C3: variants seen among roughly 807,000 people sequenced by gnomAD.
C3 encodes the protein complement C3.
Under a neutral mutation model 207.9 loss-of-function variants are expected in C3, and 97 were observed. The observed-to-expected ratio is 0.47, with a 90% CI of 0.40 to 0.55. The LOEUF is 0.55. C3 is among the 20% of genes least tolerant of loss of function. C3 has a pLI of 0.00. For synonymous variants in C3, 848 were observed against 857.6 expected (o/e 0.99, Z 0.20); for missense variants, 1,684 against 2,171.7 (o/e 0.78, Z 4.46).
Position 6,712,424 on chromosome 19 carries a change from G to T in C3, c.1120-18C>A, listed in dbSNP as rs1442138498. ...ACGAACACCTGTGATGTGGGGTGCA[G>T]GTGGGGGAAGTTCAGGCAGGCTCAG... On this transcript the variant is annotated intron_variant, in intron 10 of 40. Coordinates refer to ENST00000245907, the MANE Select transcript of C3 (RefSeq NM_000064.4). The T allele has an allele frequency of 1.9e-6, 3 of 1,614,170 alleles. No individual in the cohort carries two copies. Among genetic ancestry groups the T allele is most frequent in the Non-Finnish European group, 2.5e-6 (3 of 1,180,002 alleles).
At position 6,719,468 on chromosome 19, in the gene C3, G is replaced by A. The variant is rs879589386; in HGVS notation, c.75-65C>T. 6.8e-7 allele frequency: 1 copy of A among 1,463,716 alleles called. No individual in the cohort carries two copies. The highest frequency in any genetic ancestry group is 9.5e-7 in the Non-Finnish European group (1 of 1,050,198). The allele number at this position is 1,463,716 out of a possible 1,614,324, so 90.7% of individuals were successfully genotyped here. ...GGATGTGAGACGCCAGTCCTCACTG[G>A]AGTCAGCGCCTGGCAGGCTGTGTGC... is the stretch of plus-strand genomic sequence containing the variant. On this transcript the variant is annotated intron_variant, in intron 1 of 40. Transcript: ENST00000245907. The surrounding 1 kb of genome is among the most constrained non-coding windows in gnomAD (Gnocchi z 5.4).
chr19:6,682,037 A>G lies in C3; in HGVS notation c.4261-7T>C. 2 of 1,613,524 alleles carry G rather than the reference A, an allele frequency of 1.2e-6. No homozygotes were observed. The highest frequency in any genetic ancestry group is 1.7e-6 in the Non-Finnish European group (2 of 1,179,446). On this transcript the variant is annotated splice_region_variant and splice_polypyrimidine_tract_variant and intron_variant, in intron 34 of 40. Transcript: ENST00000245907. The stretch of plus-strand genomic sequence containing the variant: ...TGTCAACACCATTGGCCAGCTGGGG[A>G]AAGGTGGAGCCTGTGAAAAATCCCT...
intron 28 of C3, 85 bp from the exon 29 acceptor site, chr19:6,686,372 G>C (rs1918010221): frequency 1.4e-6 from 2 of 1,447,144 alleles, no homozygotes; most frequent in East Asian, 4.5e-5. Context: ...AGAGATGCAT[G>C]CTAGACTTCC....
chr19:6,697,475 G>A lies in C3; in HGVS notation c.2665C>T (p.Pro889Ser). ...KRRHQQTVTIPPKSSLSVPYV... is the reference protein window; with the variant it reads ...KRRHQQTVTISPKSSLSVPYV... Reference sequence around the variant, plus strand: ...GGAACGGACAACGAGGACTTGGGGGGGATGGTTACGGTCTGCTGGTGACGC... The same window carrying A: ...GGAACGGACAACGAGGACTTGGGGGAGATGGTTACGGTCTGCTGGTGACGC... The change falls in exon 21 of 41, where the codon CCC (proline) becomes TCC (serine). Residue 889 changes from proline (P) to serine (S), a missense_variant. Pro to Ser is a moderately conservative substitution (Grantham distance 74). Coordinates refer to ENST00000245907, the MANE Select transcript of C3 (RefSeq NM_000064.4). 1 of 1,613,998 alleles carries A rather than the reference G, an allele frequency of 6.2e-7. No homozygotes were observed. The highest frequency in any genetic ancestry group is 1.7e-4 in the Middle Eastern group (1 of 6,060).
In C3 at chr19:6,712,573, G is replaced by C; in HGVS notation, c.1054C>G (p.Pro352Ala). Residue 352 changes from proline (P) to alanine (A), a missense_variant, in exon 10 of 41, where the codon CCC becomes GCC. Physicochemically the swap from Pro to Ala is conservative, Grantham distance 27. Coordinates refer to ENST00000245907, the MANE Select transcript of C3 (RefSeq NM_000064.4). ...ERSGIPIVTS[P>A]YQIHFTKTPK... ...GTCTTGGTGAAGTGGATCTGGTAGG[G>C]AGAGGTCACGATGGGGATCCCGCTG... The C allele has an allele frequency of 2.5e-6, 4 of 1,614,138 alleles. No homozygotes were observed. Among genetic ancestry groups the C allele is most frequent in the Non-Finnish European group, 3.4e-6 (4 of 1,179,996 alleles).
intron 23 of C3, among the ~76,000 whole-genome samples, chr19:6,696,126 C>G (rs543485370): frequency 1.4e-5 from 2 of 147,926 alleles, no homozygotes; most frequent in Non-Finnish European, 3.0e-5. Context: ...AGGAGAATGG[C>G]GTGAACCCGG....
At chr19:6,690,505 C>T in intron 27 of C3, 124 bp downstream of exon 27, 1 of 769,726 alleles carries the variant, frequency 1.3e-6, no homozygotes, top group Non-Finnish European at 2.4e-6. Flanking sequence ...AACATGACTG[C>T]AGTGATGTCT....
rs1968125066 is a variant in C3 at position 6,719,744 on chromosome 19, G to A, written c.75-341C>T. Among the ~76,000 whole-genome samples the A allele has an allele frequency of 6.6e-6, 1 of 151,848 alleles. No homozygotes were observed. The highest frequency in any genetic ancestry group is 6.6e-5 in the Admixed American group (1 of 15,224). On this transcript the variant is annotated intron_variant, in intron 1 of 40. Transcript: ENST00000245907. This position sits in a 1 kb window ranked among gnomAD's most constrained non-coding sequence, Gnocchi z 5.4. The stretch of plus-strand genomic sequence containing the variant: ...TCTCTGGACTTCCAGACCCACAATC[G>A]CCTAAACCCACACATGCCCCAAACC...
rs11569508 is a variant in C3 at position 6,690,735 on chromosome 19, A to G, written c.3391-8T>C. The G allele has an allele frequency of 0.12, 192,696 of 1,610,746 alleles. 12,361 individuals are homozygous for G. The highest frequency in any genetic ancestry group is 0.13 in the Non-Finnish European group (148,293 of 1,177,084). On this transcript the variant is annotated splice_region_variant and splice_polypyrimidine_tract_variant and intron_variant, in intron 26 of 40. Coordinates refer to ENST00000245907, the MANE Select transcript of C3 (RefSeq NM_000064.4). ...GTTGTTCCGTAATCCACCCTGAGAT[A>G]GAGAGCAGAAAGCAAGGATGGGGTC...
intron 17 of C3, among the ~76,000 whole-genome samples, chr19:6,706,635 C>T (rs1392317125): frequency 2.7e-5 from 4 of 149,370 alleles, no homozygotes; most frequent in African/African-American, 9.9e-5. Flanking sequence ...GCATCCTCCC[C>T]CCTCAGACAG....
intron 28 of C3, 99 bp from the exon 29 acceptor site, chr19:6,686,386 T>C (rs1265667912): frequency 7.6e-7 from 1 of 1,308,710 alleles, no homozygotes; most frequent in East Asian, 2.3e-5. Context: ...GACTTCCTGG[T>C]GTTTGGGTGT....
Position 6,684,593 on chromosome 19 carries a change from G to C in C3, c.4087C>G (p.Leu1363Val), listed in dbSNP as rs1917950995. The C allele has an allele frequency of 2.5e-6, 4 of 1,614,094 alleles. No individual in the cohort carries two copies. The African/African-American group carries it at 4.0e-5, about 16-fold the overall frequency. Residue 1363 changes from leucine to valine, a missense_variant, in exon 32 of 41, where the codon CTC becomes GTC. By Grantham distance (32) the Leu-to-Val change is conservative. Transcript: ENST00000245907. ...KDQLTCNKFD[L>V]KVTIKPAPET... Reference sequence around the variant, plus strand: ...GGTGCTGGTTTTATGGTGACCTTGAGGTCGAATTTATTACAGGTGAGTTGA... The same window carrying C: ...GGTGCTGGTTTTATGGTGACCTTGACGTCGAATTTATTACAGGTGAGTTGA...
chr19:6,693,247 T>C (rs1166100390), intron 25 of C3, among the ~76,000 whole-genome samples, 164 bp from the exon 26 acceptor site: 1 of 152,148 alleles, frequency 6.6e-6, no homozygotes, highest in Non-Finnish European at 1.5e-5. Context: ...TGCTTAAGGA[T>C]GCTTAATGAC....
intron 26 of C3, among the ~76,000 whole-genome samples, chr19:6,691,856 G>A (rs552489515): frequency 3.3e-5 from 5 of 152,084 alleles, no homozygotes; most frequent in South Asian, 4.2e-4. Context: ...ATGGTGGAGC[G>A]GGCACCTGTA....
At chr19:6,686,560 T>C in intron 28 of C3, 186 bp downstream of exon 28, 1 of 773,752 alleles carries the variant, frequency 1.3e-6, no homozygotes, top group Non-Finnish European at 2.2e-6. Context: ...TGCGAAAACT[T>C]AGAGCCGTGC....
intron 17 of C3, 81 bp from the exon 18 acceptor site, chr19:6,702,660 G>T (rs1034343482): frequency 8.4e-6 from 8 of 947,732 alleles, no homozygotes; most frequent in African/African-American, 3.2e-5. Flanking sequence ...CACTTAGGGA[G>T]GCCAAGGCAG....
At chr19:6,680,979 G>A (rs552333516) in intron 35 of C3, among the ~76,000 whole-genome samples, 3 of 151,974 alleles carry the variant, frequency 2.0e-5, no homozygotes, top group Admixed American at 6.6e-5. Flanking sequence ...CAGGAAGATC[G>A]CTTGAGGCCA....
intron 17 of C3, 155 bp from the exon 18 acceptor site, chr19:6,702,734 T>G: frequency 1.5e-6 from 1 of 659,688 alleles, no homozygotes; most frequent in Non-Finnish European, 2.8e-6. Flanking sequence ...CCATCTCTAC[T>G]AAAAATACAA....
At chr19:6,711,221 G>T in intron 11 of C3, 25 bp from the exon 12 acceptor site, 4 of 1,595,134 alleles carry the variant, frequency 2.5e-6, no homozygotes, top group Non-Finnish European at 3.4e-6. Flanking sequence ...AGGGATGCCT[G>T]CTGGTCGCCG....
Sources: allele counts gnomAD v4.1 joint callset (sites outside exome capture counted in the v4.1 genomes callset), GRCh38; gene constraint gnomAD v4.1.1; non-coding constraint Gnocchi (gnomAD v3.1); transcripts MANE v1.5; gene names NCBI Gene and HGNC (gene_info 2026-07-23, HGNC 2026-07-21).